ARHGAP6: variants seen among roughly 807,000 people sequenced by gnomAD.
The protein encoded by ARHGAP6 is rho GTPase-activating protein 6.
A neutral mutation model predicts 55.7 loss-of-function variants in ARHGAP6; 16 were observed. The observed-to-expected ratio is 0.29, with a 90% CI of 0.19 to 0.44. ARHGAP6 has a LOEUF of 0.44. Ranked by LOEUF, ARHGAP6 falls within the 20% of genes least tolerant of loss-of-function variation. The pLI, the probability that ARHGAP6 is intolerant of heterozygous loss-of-function variation, is 1.00. For synonymous variants in ARHGAP6, 382 were observed against 360.9 expected (o/e 1.06, Z -0.66); for missense variants, 698 against 808.9 (o/e 0.86, Z 1.66).
intron 1 of ARHGAP6, among the ~76,000 whole-genome samples, chrX:11,652,861 C>T (rs1232144978): frequency 8.9e-6 from 1 of 112,026 alleles, no homozygotes; most frequent in African/African-American, 3.2e-5. Flanking sequence ...GACAGAAGAC[C>T]TTCAAGGACT....
chrX:11,426,395 A>G (rs2147783305), intron 1 of ARHGAP6, among the ~76,000 whole-genome samples: 1 of 110,307 alleles, frequency 9.1e-6, no homozygotes, highest in African/African-American at 3.3e-5. Context: ...TGGATTTTGG[A>G]AGACACGAAT....
intron 1 of ARHGAP6, among the ~76,000 whole-genome samples, chrX:11,535,367 C>CA (rs2051092541): frequency 8.9e-6 from 1 of 112,035 alleles, no homozygotes; most frequent in Non-Finnish European, 1.9e-5. Flanking sequence ...TTGCTTAAAT[C>CA]TTGCATGGAA....
At chrX:11,216,947 T>G (rs1338294037) in intron 2 of ARHGAP6, among the ~76,000 whole-genome samples, 1 of 110,896 alleles carries the variant, frequency 9.0e-6, no homozygotes, top group Non-Finnish European at 1.9e-5. Context: ...CTCCCACTTA[T>G]GAGTGAGAAC....
At chrX:11,478,017 T>A (rs369582569) in intron 1 of ARHGAP6, among the ~76,000 whole-genome samples, 112 of 111,962 alleles carry the variant, frequency 1.0e-3, no homozygotes, top group Middle Eastern at 4.6e-3. Flanking sequence ...TGATTTTTTT[T>A]AAAAAGAGAT....
At chrX:11,215,237 G>A (rs1021920140) in intron 2 of ARHGAP6, among the ~76,000 whole-genome samples, 4 of 113,112 alleles carry the variant, frequency 3.5e-5, no homozygotes, top group Non-Finnish European at 7.5e-5. Flanking sequence ...GTCCGAAACA[G>A]GTGCACACCG....
At chrX:11,214,132 A>T (rs2046843502) in intron 2 of ARHGAP6, among the ~76,000 whole-genome samples, 1 of 110,861 alleles carries the variant, frequency 9.0e-6, no homozygotes, top group African/African-American at 3.3e-5. Flanking sequence ...TCTGCAATTT[A>T]TCTATGAATA....
intron 3 of ARHGAP6, 62 bp from the exon 4 acceptor site, chrX:11,189,046 T>C: frequency 8.8e-7 from 1 of 1,132,342 alleles, no homozygotes; most frequent in South Asian, 2.1e-5. Flanking sequence ...CACTCTCATT[T>C]ATGTTTCAGA....
At chrX:11,428,743 C>T (rs768968816) in intron 1 of ARHGAP6, among the ~76,000 whole-genome samples, 4 of 111,708 alleles carry the variant, frequency 3.6e-5, no homozygotes, top group African/African-American at 6.5e-5. Context: ...GATGTGGCCC[C>T]GGAATTTCAG....
chrX:11,553,509 C>G (rs2051291663), intron 1 of ARHGAP6, among the ~76,000 whole-genome samples: 1 of 111,923 alleles, frequency 8.9e-6, no homozygotes, highest in African/African-American at 3.2e-5. Context: ...TCCCAAATTG[C>G]TGGGATTACA....
At chrX:11,564,881 G>A (rs973684002) in intron 1 of ARHGAP6, among the ~76,000 whole-genome samples, 1 of 111,962 alleles carries the variant, frequency 8.9e-6, no homozygotes, top group African/African-American at 3.2e-5. Context: ...GCTGGATGGA[G>A]CACCTCCTAT....
chrX:11,160,388 C>T (rs919340774), intron 9 of ARHGAP6, among the ~76,000 whole-genome samples: 6 of 106,714 alleles, frequency 5.6e-5, no homozygotes, highest in Non-Finnish European at 7.7e-5. Context: ...ATCCGGGAGA[C>T]GGAGCTTGCA....
intron 1 of ARHGAP6, among the ~76,000 whole-genome samples, chrX:11,608,753 AG>A (rs764371609): frequency 4.9e-4 from 55 of 111,736 alleles, no homozygotes; most frequent in African/African-American, 1.4e-3. Flanking sequence ...TGGTTTTATC[AG>A]GGGGTTCCGC....
At chrX:11,202,072 C>A (rs2238898) in intron 2 of ARHGAP6, among the ~76,000 whole-genome samples, 19,105 of 95,260 alleles carry the variant, frequency 0.2, 1,369 homozygotes, top group Middle Eastern at 0.32. Flanking sequence ...AAATACTCAG[C>A]AAGTATTGGC....
intron 1 of ARHGAP6, among the ~76,000 whole-genome samples, chrX:11,464,544 G>A (rs192643480): frequency 7.8e-4 from 88 of 112,143 alleles, no homozygotes; most frequent in African/African-American, 2.8e-3. Flanking sequence ...AACAAACCTT[G>A]GCCAAACCCT....
chrX:11,536,142 T>C (rs750124901), intron 1 of ARHGAP6, among the ~76,000 whole-genome samples: 1 of 111,572 alleles, frequency 9.0e-6, no homozygotes, highest in Non-Finnish European at 1.9e-5. Context: ...GTGGAATAGA[T>C]GCTGTAGGTA....
intron 1 of ARHGAP6, among the ~76,000 whole-genome samples, chrX:11,531,932 G>A (rs151124224): frequency 8.9e-6 from 1 of 112,324 alleles, no homozygotes; most frequent in Non-Finnish European, 1.9e-5. Context: ...CTGAAGCTCA[G>A]GCCCCATTGT....
intron 8 of ARHGAP6, among the ~76,000 whole-genome samples, chrX:11,174,577 T>TTCCTTCCTTCCTTC (rs1569241231): frequency 1.7e-5 from 1 of 57,196 alleles, no homozygotes; most frequent in East Asian, 5.4e-4. Flanking sequence ...TTCCTTCCTT[T>TTCCTTCCTTCCTTC]CTTTCTTTCT....
intron 1 of ARHGAP6, among the ~76,000 whole-genome samples, chrX:11,444,547 C>G (rs1412808524): frequency 4.5e-5 from 5 of 112,209 alleles, no homozygotes; most frequent in African/African-American, 1.3e-4. Flanking sequence ...CCCTTTTGAG[C>G]TCCCCTCTTC....
chrX:11,570,945 A>G (rs1483213506), intron 1 of ARHGAP6, among the ~76,000 whole-genome samples: 2 of 110,786 alleles, frequency 1.8e-5, no homozygotes, highest in Admixed American at 1.9e-4. Context: ...AAAGGGCCAG[A>G]GGTAACCAGC....
Sources: gnomAD v4.1 joint callset for allele counts (sites outside exome capture counted in the v4.1 genomes callset) on GRCh38, gnomAD v4.1.1 for gene constraint, MANE v1.5 for transcripts, NCBI Gene and HGNC (gene_info 2026-07-23, HGNC 2026-07-21) for gene names.